The following ABLIM2 variants were observed in gnomAD, a reference collection of about 807,000 sequenced individuals.
ABLIM2 encodes actin-binding LIM protein 2.
ABLIM2 carries 53 observed loss-of-function variants against 97.7 expected under a neutral mutation model. The observed-to-expected ratio is 0.54, with a 90% CI of 0.44 to 0.68. The LOEUF (loss-of-function observed/expected upper bound fraction) is 0.68, where lower values mean the gene tolerates loss of function less well. Among genes scored for constraint, ABLIM2 ranks in the 30% least tolerant of loss-of-function variants. ABLIM2 has a pLI of 0.00. For synonymous variants in ABLIM2, 361 were observed against 345.8 expected, an observed-to-expected ratio of 1.04 and a Z score of -0.49; for missense variants, 835 against 867.2, an observed-to-expected ratio of 0.96 and a Z score of 0.47.
intron 1 of ABLIM2, among the ~76,000 whole-genome samples, chr4:8,110,013 C>T (rs925894448): frequency 3.9e-5 from 6 of 152,226 alleles, no homozygotes; most frequent in Non-Finnish European, 7.3e-5. Context: ...TGAAGGCTTT[C>T]TGGGCTGGAA....
chr4:7,997,459 CCT>C (rs1447790894), intron 16 of ABLIM2, among the ~76,000 whole-genome samples: 2 of 152,272 alleles, frequency 1.3e-5, no homozygotes, highest in East Asian at 1.9e-4. Context: ...CCCACAGGTC[CCT>C]GAGGCTCTGT....
Position 8,005,178 on chromosome 4 carries a change from G to A in ABLIM2, c.1618+2881C>T, listed in dbSNP as rs1346593117. On this transcript the variant is annotated intron_variant, in intron 16 of 20. Transcript: ENST00000447017. This position sits in a 1 kb window ranked among gnomAD's most constrained non-coding sequence, Gnocchi z 4.9. ...AAGAGGTGCCCGGCGGGCAGGCGGC[G>A]GCGGGATGCGTGTGCGCTCGCTCTG... is the stretch of plus-strand genomic sequence containing the variant. The A allele has an allele frequency of 3.1e-5, 12 of 384,154 alleles. No individual in the cohort carries two copies. The highest frequency in any genetic ancestry group is 6.8e-5 in the East Asian group (1 of 14,602). The allele number at this position is 384,154 out of a possible 1,614,324, so 23.8% of individuals were successfully genotyped here.
At chr4:7,990,908 A>G (rs773142827) in intron 17 of ABLIM2, among the ~76,000 whole-genome samples, 17 of 152,196 alleles carry the variant, frequency 1.1e-4, no homozygotes, top group Non-Finnish European at 2.1e-4. Flanking sequence ...CAAAGTCATT[A>G]ATAATATTCA....
In ABLIM2 at chr4:8,113,814, G is replaced by A. The variant is rs920939327; in HGVS notation, c.11-7177C>T. 9.9e-5 allele frequency among the ~76,000 whole-genome samples: 15 copies of A among 152,256 alleles called. No homozygotes were observed. The highest frequency in any genetic ancestry group is 3.3e-4 in the Admixed American group (5 of 15,302). On this transcript the variant is annotated intron_variant, in intron 1 of 20. Transcript: ENST00000447017. This position sits in a 1 kb window ranked among gnomAD's most constrained non-coding sequence, Gnocchi z 4.5. The stretch of plus-strand genomic sequence containing the variant: ...CGCACACATGAACTCCAGAGGTCCC[G>A]GCTCACCCAGAGCGGGTCACAGGAC...
At chr4:8,153,038 T>C (rs981010752) in intron 1 of ABLIM2, among the ~76,000 whole-genome samples, 1 of 152,118 alleles carries the variant, frequency 6.6e-6, no homozygotes, top group East Asian at 1.9e-4. Context: ...GACTATGGAA[T>C]CTAGGCTCTG....
In ABLIM2 at chr4:8,123,639, A is replaced by G. The variant is rs896976587; in HGVS notation, c.11-17002T>C. Among the ~76,000 whole-genome samples the G allele has an allele frequency of 6.6e-6, 1 of 152,234 alleles. No individual in the cohort carries two copies. The highest frequency in any genetic ancestry group is 1.5e-5 in the Non-Finnish European group (1 of 68,036). On this transcript the variant is annotated intron_variant, in intron 1 of 20. Coordinates refer to ENST00000447017, the MANE Select transcript of ABLIM2 (RefSeq NM_001130083.2). This position sits in a 1 kb window ranked among gnomAD's most constrained non-coding sequence, Gnocchi z 6.2. ...TCTGTGACATTCACTAACCACCTGC[A>G]TGACAGAGGCAGCCAGCCCCTGCCT... is the stretch of plus-strand genomic sequence containing the variant.
chr4:7,971,010 G>A (rs1727538617), intron 20 of ABLIM2, among the ~76,000 whole-genome samples: 1 of 152,122 alleles, frequency 6.6e-6, no homozygotes, highest in Non-Finnish European at 1.5e-5. Flanking sequence ...GGAAGGCTGG[G>A]TGAGGGTCAC....
intron 1 of ABLIM2, among the ~76,000 whole-genome samples, chr4:8,111,660 C>T (rs1341127886): frequency 6.6e-6 from 1 of 152,172 alleles, no homozygotes; most frequent in Non-Finnish European, 1.5e-5. Flanking sequence ...GGCGCTATGG[C>T]TCACGCCTGT....
intron 6 of ABLIM2, among the ~76,000 whole-genome samples, chr4:8,070,645 C>T (rs1333744974): frequency 6.6e-6 from 1 of 152,100 alleles, no homozygotes; most frequent in African/African-American, 2.4e-5. Flanking sequence ...GCCTCGGCAC[C>T]CCCTTTCCTG....
chr4:8,133,138 C>T (rs4696767), intron 1 of ABLIM2, among the ~76,000 whole-genome samples: 110,629 of 152,038 alleles, frequency 0.73, 40,402 homozygotes, highest in Middle Eastern at 0.79. Context: ...TCTCTGCCTC[C>T]GATGTCACGT....
chr4:8,144,502 G>A (rs979457320), intron 1 of ABLIM2, among the ~76,000 whole-genome samples: 2 of 151,902 alleles, frequency 1.3e-5, no homozygotes, highest in Non-Finnish European at 2.9e-5. Flanking sequence ...GAGAAGGCTT[G>A]TGAAAGCCTC....
chr4:7,983,139 C>A, intron 20 of ABLIM2, 125 bp downstream of exon 20: 1 of 1,001,202 alleles, frequency 1.0e-6, no homozygotes, highest in South Asian at 1.4e-5. Flanking sequence ...CTCTGCATCA[C>A]GGCAAGGCTC....
At chr4:8,066,682 G>A (rs1283695079) in intron 6 of ABLIM2, 1 of 152,138 alleles carries the variant, frequency 6.6e-6, no homozygotes, top group Non-Finnish European at 1.5e-5. Flanking sequence ...CTTCACTATG[G>A]AAAATCCGGA....
At chr4:8,152,159 C>G (rs936122643) in intron 1 of ABLIM2, among the ~76,000 whole-genome samples, 20 of 152,170 alleles carry the variant, frequency 1.3e-4, no homozygotes, top group African/African-American at 4.6e-4. Context: ...CAGGCTTTAT[C>G]CACACCAACA....
Position 8,125,228 on chromosome 4 carries a change from C to T in ABLIM2, c.11-18591G>A, listed in dbSNP as rs1346852531. 2.0e-5 allele frequency among the ~76,000 whole-genome samples: 3 copies of T among 152,158 alleles called. No individual in the cohort carries two copies. The highest frequency in any genetic ancestry group is 4.4e-5 in the Non-Finnish European group (3 of 68,038). On this transcript the variant is annotated intron_variant, in intron 1 of 20. Transcript: ENST00000447017. This position sits in a 1 kb window ranked among gnomAD's most constrained non-coding sequence, Gnocchi z 6.2. Reference sequence around the variant, plus strand: ...ACAGAGGTTTTTGATGAAATCCAGTCGTCTATATCTTGTTATGACGGCTTG... The same window carrying T: ...ACAGAGGTTTTTGATGAAATCCAGTTGTCTATATCTTGTTATGACGGCTTG...
Position 8,020,206 on chromosome 4 carries a change from G to A in ABLIM2, c.1365C>T (p.Val455=). Residue 455 remains valine, a synonymous_variant, in exon 13 of 21, where the codon GTC becomes GTT. Transcript: ENST00000447017. ...TYQQAPRHFH[V]PDTGVKDNIY... ...CCAGCGTGTCCCGGAGCCTACCTGG[G>A]ACGTGGAAGTGGCGAGGTGCCTGCT... 1.2e-6 allele frequency: 2 copies of A among 1,613,220 alleles called. No homozygotes were observed. The highest frequency in any genetic ancestry group is 1.7e-6 in the Non-Finnish European group (2 of 1,179,544).
At chr4:8,074,535 G>A (rs896876904) in intron 6 of ABLIM2, among the ~76,000 whole-genome samples, 2 of 152,158 alleles carry the variant, frequency 1.3e-5, no homozygotes, top group Non-Finnish European at 2.9e-5. Flanking sequence ...ACTATATCTT[G>A]TTGACAAGAT....
Position 8,150,692 on chromosome 4 carries a change from C to T in ABLIM2, c.10+7988G>A, listed in dbSNP as rs148130082. Reference sequence around the variant, plus strand: ...CTAAAATGAAGCTTCGAGCTGAGACCGATGACTCAAGACACCACGCCTCCT... The same window carrying T: ...CTAAAATGAAGCTTCGAGCTGAGACTGATGACTCAAGACACCACGCCTCCT... On this transcript the variant is annotated intron_variant, in intron 1 of 20. Transcript: ENST00000447017. This position sits in a 1 kb window ranked among gnomAD's most constrained non-coding sequence, Gnocchi z 6.3. 5.2e-4 allele frequency among the ~76,000 whole-genome samples: 79 copies of T among 152,282 alleles called. No individual in the cohort carries two copies. The highest frequency in any genetic ancestry group is 1.7e-3 in the African/African-American group (70 of 41,558).
rs185750737 is a variant in ABLIM2, at chr4:8,085,090, C to T, written c.454+3079G>A. 3.3e-5 allele frequency among the ~76,000 whole-genome samples: 5 copies of T among 152,252 alleles called. No individual in the cohort carries two copies. Among genetic ancestry groups the T allele is most frequent in the South Asian group, 2.1e-4 (1 of 4,816 alleles). Reference sequence around the variant, plus strand: ...CTGCTCCTTCTGGAAGAAGCCTGTGCGGCCCACCCTAAAGGATTTCTTGTT... The same window carrying T: ...CTGCTCCTTCTGGAAGAAGCCTGTGTGGCCCACCCTAAAGGATTTCTTGTT... On this transcript the variant is annotated intron_variant, in intron 4 of 20. Coordinates refer to ENST00000447017, the MANE Select transcript of ABLIM2 (RefSeq NM_001130083.2). The surrounding 1 kb of genome is among the most constrained non-coding windows in gnomAD (Gnocchi z 6.1).
Sources: allele counts gnomAD v4.1 joint callset (sites outside exome capture counted in the v4.1 genomes callset), GRCh38; gene constraint gnomAD v4.1.1; non-coding constraint Gnocchi (gnomAD v3.1); transcripts MANE v1.5; gene names NCBI Gene and HGNC (gene_info 2026-07-23, HGNC 2026-07-21).